CDH8: variants seen among roughly 807,000 people sequenced by gnomAD.
CDH8 encodes the protein cadherin-8.
In CDH8, 17 loss-of-function variants were observed where a neutral mutation model predicts 68.1. The ratio of observed to expected loss-of-function variants is 0.25; its 90% confidence interval spans 0.17 to 0.37. The LOEUF is 0.37. Among genes scored for constraint, CDH8 ranks in the 10% least tolerant of loss-of-function variants. CDH8 has a pLI of 1.00. For synonymous variants in CDH8, 372 were observed against 365.1 expected (o/e 1.02, Z -0.21); for missense variants, 763 against 999.3 (o/e 0.76, Z 3.19).
chr16:61,691,619 GA>G (rs1356554760), intron 10 of CDH8: 1 of 151,734 alleles, frequency 6.6e-6, no homozygotes, highest in Non-Finnish European at 1.5e-5. Context: ...TGAAGAGGTG[GA>G]TCATAACGTT....
intron 7 of CDH8, among the ~76,000 whole-genome samples, chr16:61,793,761 A>G (rs2142995138): frequency 6.6e-6 from 1 of 152,164 alleles, no homozygotes; most frequent in South Asian, 2.1e-4. Context: ...TCCTTTGGGT[A>G]TATGCCCAGT....
chr16:62,011,881 A>G (rs1457025356), intron 2 of CDH8, among the ~76,000 whole-genome samples: 1 of 152,220 alleles, frequency 6.6e-6, no homozygotes, highest in Non-Finnish European at 1.5e-5. Context: ...GCCAGTGCTG[A>G]TGAGAAAACA....
intron 8 of CDH8, among the ~76,000 whole-genome samples, chr16:61,752,745 C>G (rs941065364): frequency 1.3e-5 from 2 of 152,148 alleles, no homozygotes; most frequent in African/African-American, 4.8e-5. Context: ...ATTTGCCATT[C>G]ATTTATAAAG....
chr16:61,714,838 A>C (rs1964693754), intron 9 of CDH8, among the ~76,000 whole-genome samples: 2 of 151,622 alleles, frequency 1.3e-5, no homozygotes, highest in African/African-American at 4.8e-5. Flanking sequence ...TAACAGTGAA[A>C]TGTTCTCAGG....
intron 2 of CDH8, among the ~76,000 whole-genome samples, chr16:61,969,962 C>T (rs1432352669): frequency 1.3e-5 from 2 of 152,194 alleles, no homozygotes; most frequent in Non-Finnish European, 2.9e-5. Flanking sequence ...TAATGGTAAC[C>T]TCCTTCGCTG....
intron 4 of CDH8, among the ~76,000 whole-genome samples, chr16:61,828,032 A>T (rs1962379385): frequency 6.6e-6 from 1 of 151,876 alleles, no homozygotes; most frequent in Admixed American, 6.6e-5. Flanking sequence ...CAGTTAAGGC[A>T]TTCTAACTTA....
chr16:61,774,844 G>A (rs1375447442), intron 8 of CDH8, among the ~76,000 whole-genome samples: 1 of 152,052 alleles, frequency 6.6e-6, no homozygotes, highest in Non-Finnish European at 1.5e-5. Flanking sequence ...TTATTTAAAA[G>A]AAAATAAACA....
chr16:62,011,967 A>G (rs1016110340), intron 2 of CDH8, among the ~76,000 whole-genome samples: 1 of 152,206 alleles, frequency 6.6e-6, no homozygotes, highest in Non-Finnish European at 1.5e-5. Flanking sequence ...TGAAATATTC[A>G]AAGACTTAGG....
At chr16:61,826,329 T>C (rs565917490) in intron 4 of CDH8, among the ~76,000 whole-genome samples, 20 of 152,010 alleles carry the variant, frequency 1.3e-4, no homozygotes, top group African/African-American at 4.6e-4. Context: ...TATTTCATAT[T>C]TTCCCATGTC....
chr16:61,676,887 G>T (rs181066760), intron 10 of CDH8, among the ~76,000 whole-genome samples: 1 of 152,034 alleles, frequency 6.6e-6, no homozygotes, highest in African/African-American at 2.4e-5. Flanking sequence ...TGCAAAGAGA[G>T]ATAAGAAAAC....
intron 3 of CDH8, among the ~76,000 whole-genome samples, chr16:61,867,745 A>G (rs1963283317): frequency 6.6e-6 from 1 of 152,166 alleles, no homozygotes; most frequent in Non-Finnish European, 1.5e-5. Flanking sequence ...AACTATCCAC[A>G]TAGCTCAATC....
chr16:62,034,985 G>C (rs1902418140), intron 1 of CDH8: 1 of 152,224 alleles, frequency 6.6e-6, no homozygotes, highest in Non-Finnish European at 1.5e-5. Flanking sequence ...TGCCTGCGGG[G>C]GAAGGGTCAA....
chr16:61,839,714 C>G (rs1439804615), intron 4 of CDH8, among the ~76,000 whole-genome samples: 1 of 152,002 alleles, frequency 6.6e-6, no homozygotes, highest in East Asian at 1.9e-4. Context: ...TAATGTGATT[C>G]CAATTAAAGC....
At chr16:61,842,090 G>A (rs1962697217) in intron 4 of CDH8, among the ~76,000 whole-genome samples, 1 of 130,872 alleles carries the variant, frequency 7.6e-6, no homozygotes, top group Non-Finnish European at 1.6e-5. Flanking sequence ...TGTATTTTTA[G>A]TAGAGACGGG....
At chr16:61,735,541 T>TTA (rs5817308) in intron 8 of CDH8, among the ~76,000 whole-genome samples, 22 of 151,444 alleles carry the variant, frequency 1.5e-4, no homozygotes, top group Admixed American at 5.3e-4. Context: ...CAATACATAG[T>TTA]TATATATATA....
At chr16:61,867,802 T>G (rs1963284252) in intron 3 of CDH8, among the ~76,000 whole-genome samples, 1 of 152,176 alleles carries the variant, frequency 6.6e-6, no homozygotes, top group Non-Finnish European at 1.5e-5. Context: ...AATCATTCCC[T>G]CTTCTGAACT....
In CDH8 at chr16:61,647,795, C is replaced by G. The variant is rs761594573; in HGVS notation, c.*5813G>C. 13 of 699,400 alleles carry G rather than the reference C, an allele frequency of 1.9e-5. No homozygotes were observed. Among genetic ancestry groups the G allele is most frequent in the Non-Finnish European group, 3.1e-5 (12 of 382,798 alleles). 43.3% of individuals were successfully genotyped at this position (699,400 alleles called of 1,614,324 possible). ...TGACCTCTCATTTCCTTTTCTGGTC[C>G]TGACCTCTGAGTTCATTGAAGCCAT... On this transcript the variant is annotated 3_prime_UTR_variant, in exon 12 of 12. Transcript: ENST00000577390.
chr16:62,026,312 A>G (rs556076658), intron 1 of CDH8, among the ~76,000 whole-genome samples: 1 of 152,348 alleles, frequency 6.6e-6, no homozygotes, highest in South Asian at 2.1e-4. Flanking sequence ...GTTTAAACAC[A>G]GATTATGAAT....
intron 8 of CDH8, among the ~76,000 whole-genome samples, chr16:61,787,593 A>G (rs9936772): frequency 0.17 from 23,323 of 133,332 alleles, 1,048 homozygotes; most frequent in African/African-American, 0.28. Flanking sequence ...ATTACTGGGT[A>G]TATACCCAAA....
Sources: allele counts gnomAD v4.1 joint callset (sites outside exome capture counted in the v4.1 genomes callset), GRCh38; gene constraint gnomAD v4.1.1; transcripts MANE v1.5; gene names NCBI Gene and HGNC (gene_info 2026-07-23, HGNC 2026-07-21).